The following SNX9 variants were observed in gnomAD, a reference collection of about 807,000 sequenced individuals.
SNX9 encodes sorting nexin 9.
SNX9 carries 44 observed loss-of-function variants against 89.4 expected under a neutral mutation model. The observed-to-expected ratio is 0.49, with a 90% CI of 0.39 to 0.63. The LOEUF is 0.63. SNX9 is among the 30% of genes least tolerant of loss of function. SNX9 has a pLI of 0.00. For synonymous variants in SNX9, 236 were observed against 247.8 expected, an observed-to-expected ratio of 0.95 and a Z score of 0.45; for missense variants, 578 against 736.1, an observed-to-expected ratio of 0.79 and a Z score of 2.49.
intron 4 of SNX9, among the ~76,000 whole-genome samples, chr6:157,879,949 AGGTTTTCTACTT>A (rs796651867): frequency 4.6e-5 from 7 of 152,352 alleles, no homozygotes; most frequent in African/African-American, 1.7e-4. Flanking sequence ...TCTTATCTGA[AGGTTTTCTACTT>A]GAGAGGTTTG....
In SNX9 at chr6:157,943,553, T is replaced by C. The variant is rs568355512; in HGVS notation, c.*715T>C. 6.6e-6 allele frequency: 1 copy of C among 152,416 alleles called. No homozygotes were observed. The highest frequency in any genetic ancestry group is 2.4e-5 in the African/African-American group (1 of 41,572). 9.4% of individuals were successfully genotyped at this position (152,416 alleles called of 1,614,324 possible). A position where few individuals can be genotyped will look rare whatever the true frequency, so the allele number is the denominator to read the frequency against. The stretch of plus-strand genomic sequence containing the variant: ...CTCAGCGACATTTCTGATGTGCTGC[T>C]CTTATGTGAGGACCAGTGCTTTCTC... On this transcript the variant is annotated 3_prime_UTR_variant, in exon 18 of 18. Transcript: ENST00000392185.
intron 4 of SNX9, among the ~76,000 whole-genome samples, chr6:157,895,618 G>A (rs1782961950): frequency 6.6e-6 from 1 of 151,514 alleles, no homozygotes; most frequent in African/African-American, 2.4e-5. Flanking sequence ...GTTTTATGCT[G>A]TTAAGAGAAA....
chr6:157,840,558 C>A (rs1781685807), intron 1 of SNX9, among the ~76,000 whole-genome samples: 1 of 151,408 alleles, frequency 6.6e-6, no homozygotes, highest in Non-Finnish European at 1.5e-5. Context: ...AAGCTAACTG[C>A]AGGAGTTAAC....
At chr6:157,877,189 C>T (rs1782537247) in intron 4 of SNX9, among the ~76,000 whole-genome samples, 1 of 150,478 alleles carries the variant, frequency 6.6e-6, no homozygotes, top group Non-Finnish European at 1.5e-5. Flanking sequence ...AAATATATTC[C>T]TTGGTATTTA....
At chr6:157,898,321 A>G (rs1783023035) in intron 5 of SNX9, among the ~76,000 whole-genome samples, 1 of 152,180 alleles carries the variant, frequency 6.6e-6, no homozygotes, top group African/African-American at 2.4e-5. Flanking sequence ...TGGGTTGGTA[A>G]AGTAAAAGCA....
intron 1 of SNX9, among the ~76,000 whole-genome samples, chr6:157,867,061 G>A (rs1421147337): frequency 6.6e-6 from 1 of 151,990 alleles, no homozygotes; most frequent in Admixed American, 6.6e-5. Context: ...CAATCCTCCC[G>A]CCTCAGTTTT....
chr6:157,883,171 C>T (rs533627583), intron 4 of SNX9, among the ~76,000 whole-genome samples: 1 of 152,138 alleles, frequency 6.6e-6, no homozygotes, highest in Non-Finnish European at 1.5e-5. Flanking sequence ...TAGTGGAAGG[C>T]TCAGATGATC....
intron 4 of SNX9, among the ~76,000 whole-genome samples, chr6:157,894,106 C>CTTTTCT (rs1484938597): frequency 2.5e-4 from 22 of 89,536 alleles, no homozygotes; most frequent in African/African-American, 8.6e-4. Context: ...CTTTTCTTTT[C>CTTTTCT]TTTTTTTTTT....
chr6:157,839,550 G>T (rs1781653620), intron 1 of SNX9, among the ~76,000 whole-genome samples: 1 of 152,310 alleles, frequency 6.6e-6, no homozygotes, highest in Admixed American at 6.5e-5. Context: ...ATGGATTCAG[G>T]TGTGAATTCC....
intron 4 of SNX9, among the ~76,000 whole-genome samples, chr6:157,893,985 C>T (rs537061633): frequency 6.6e-6 from 1 of 151,630 alleles, no homozygotes; most frequent in African/African-American, 2.4e-5. Flanking sequence ...GTGATGAAGG[C>T]GGCATTTCAA....
chr6:157,865,193 G>T (rs1782233287), intron 1 of SNX9, among the ~76,000 whole-genome samples: 1 of 151,866 alleles, frequency 6.6e-6, no homozygotes, highest in Non-Finnish European at 1.5e-5. Context: ...ATGAAAATTA[G>T]CCAAGTGTGG....
At chr6:157,922,486 T>C (rs1012562768) in intron 10 of SNX9, among the ~76,000 whole-genome samples, 16 of 152,244 alleles carry the variant, frequency 1.1e-4, no homozygotes, top group Non-Finnish European at 1.9e-4. Flanking sequence ...GAATATCATA[T>C]ACCCTCTTGG....
chr6:157,866,658 C>T (rs1486822842), intron 1 of SNX9, among the ~76,000 whole-genome samples: 1 of 152,072 alleles, frequency 6.6e-6, no homozygotes, highest in East Asian at 1.9e-4. Flanking sequence ...CACACACTGC[C>T]CTATGTAAGT....
intron 2 of SNX9, 126 bp from the exon 3 acceptor site, chr6:157,872,976 C>A: frequency 1.8e-6 from 1 of 563,654 alleles, no homozygotes; most frequent in Admixed American, 3.6e-5. Context: ...GAACGGTGTT[C>A]TCTAGGAATG....
chr6:157,909,722 G>C lies in SNX9; in HGVS notation c.763G>C (p.Ala255Pro). The change falls in exon 8 of 18, where the codon GCA (alanine) becomes CCA (proline). Residue 255 changes from alanine to proline, a missense_variant. Coordinates refer to ENST00000392185, the MANE Select transcript of SNX9 (RefSeq NM_016224.5). ...YPTSTFDCVV[A>P]DPRKGSKMYG... is the part of the protein sequence containing the mutation. ...TACCTCTACTTTTGACTGTGTGGTAGCAGATCCCAGGAAAGGCTCCAAAAT... is the reference window on the plus strand; with the variant it reads ...TACCTCTACTTTTGACTGTGTGGTACCAGATCCCAGGAAAGGCTCCAAAAT... The C allele has an allele frequency of 6.2e-7, 1 of 1,614,160 alleles. No homozygotes were observed. Among genetic ancestry groups the C allele is most frequent in the Non-Finnish European group, 8.5e-7 (1 of 1,180,004 alleles).
intron 9 of SNX9, among the ~76,000 whole-genome samples, chr6:157,914,637 T>C (rs2115184703): frequency 6.6e-6 from 1 of 151,892 alleles, no homozygotes; most frequent in East Asian, 1.9e-4. Context: ...TCAACACTTC[T>C]TGTTAATTTT....
intron 4 of SNX9, among the ~76,000 whole-genome samples, chr6:157,893,099 G>T (rs1782897904): frequency 6.6e-6 from 1 of 152,150 alleles, no homozygotes; most frequent in African/African-American, 2.4e-5. Flanking sequence ...GAGTTTGGAG[G>T]ACACGGAATA....
At chr6:157,933,346 G>T (rs1459107474) in intron 13 of SNX9, among the ~76,000 whole-genome samples, 1 of 152,202 alleles carries the variant, frequency 6.6e-6, no homozygotes, top group Non-Finnish European at 1.5e-5. Flanking sequence ...TATTAAATCT[G>T]TTATCTCCTG....
Position 157,823,555 on chromosome 6 carries a change from C to T in SNX9, c.12+109C>T. 2 of 951,182 alleles carry T rather than the reference C, an allele frequency of 2.1e-6. No individual in the cohort carries two copies. The highest frequency in any genetic ancestry group is 2.6e-6 in the Non-Finnish European group (2 of 755,980). The allele number at this position is 951,182 out of a possible 1,614,324, so 58.9% of individuals were successfully genotyped here. A position where few individuals can be genotyped will look rare whatever the true frequency, so the allele number is the denominator to read the frequency against. On this transcript the variant is annotated intron_variant, in intron 1 of 17. Coordinates refer to ENST00000392185, the MANE Select transcript of SNX9 (RefSeq NM_016224.5). The surrounding 1 kb of genome is among the most constrained non-coding windows in gnomAD (Gnocchi z 4.6). ...GTCGGGGCCAGGGGTGGTCGAGGGGCCACTCCGCTTCCTCGGTGGAGTCCC... is the reference window on the plus strand; with the variant it reads ...GTCGGGGCCAGGGGTGGTCGAGGGGTCACTCCGCTTCCTCGGTGGAGTCCC...
Sources: allele counts gnomAD v4.1 joint callset (sites outside exome capture counted in the v4.1 genomes callset), GRCh38; gene constraint gnomAD v4.1.1; non-coding constraint Gnocchi (gnomAD v3.1); transcripts MANE v1.5; gene names NCBI Gene and HGNC (gene_info 2026-07-23, HGNC 2026-07-21).